The following TLN2 variants were observed in gnomAD, a reference collection of about 807,000 sequenced individuals.
TLN2 encodes the protein talin 2.
A neutral mutation model predicts 294.7 loss-of-function variants in TLN2; 118 were observed. That is an observed-to-expected ratio of 0.40 (90% CI 0.34 to 0.47). The LOEUF is 0.47. Ranked by LOEUF, TLN2 falls within the 20% of genes least tolerant of loss-of-function variation. The pLI is 0.84. For synonymous variants in TLN2, 1,431 were observed against 1,304.5 expected (o/e 1.10, Z -2.09); for missense variants, 3,083 against 3,282.2 (o/e 0.94, Z 1.48).
At chr15:62,715,996 C>T (rs1021282984) in intron 22 of TLN2, among the ~76,000 whole-genome samples, 1 of 152,138 alleles carries the variant, frequency 6.6e-6, no homozygotes, top group Non-Finnish European at 1.5e-5. Context: ...GAAGATTCTC[C>T]CTGGGAGAGA....
intron 54 of TLN2, among the ~76,000 whole-genome samples, chr15:62,825,880 A>ATG (rs1256556188): frequency 9.0e-6 from 1 of 111,338 alleles, no homozygotes; most frequent in Non-Finnish European, 1.7e-5. Flanking sequence ...ATATATATAT[A>ATG]TAATAAGTCA....
At chr15:62,419,023 G>A (rs1291960372) in intron 1 of TLN2, among the ~76,000 whole-genome samples, 2 of 152,166 alleles carry the variant, frequency 1.3e-5, no homozygotes, top group African/African-American at 2.4e-5. Context: ...ATGTGAATCA[G>A]CTTTTTCAGC....
At chr15:62,554,513 G>A (rs928246279) in intron 1 of TLN2, among the ~76,000 whole-genome samples, 2 of 151,776 alleles carry the variant, frequency 1.3e-5, no homozygotes, top group Non-Finnish European at 2.9e-5. Context: ...GAAAAACTCA[G>A]GAGAATTGTA....
chr15:62,396,095 A>T (rs968763530), intron 1 of TLN2, among the ~76,000 whole-genome samples: 1 of 152,162 alleles, frequency 6.6e-6, no homozygotes, highest in East Asian at 1.9e-4. Context: ...TGGCCTCCCA[A>T]AGTGCTATGA....
At chr15:62,799,859 T>C (rs905057195) in intron 48 of TLN2, among the ~76,000 whole-genome samples, 6 of 152,134 alleles carry the variant, frequency 3.9e-5, no homozygotes, top group Non-Finnish European at 7.3e-5. Flanking sequence ...GTTAGAACAA[T>C]GAGCAAAGGT....
At chr15:62,642,703 T>TG (rs2051279743) in intron 3 of TLN2, among the ~76,000 whole-genome samples, 1 of 141,820 alleles carries the variant, frequency 7.1e-6, no homozygotes, top group African/African-American at 2.9e-5. Context: ...TGTTTTCTGT[T>TG]TTTTTTTTTT....
rs189070613 is a variant in TLN2, at chr15:62,668,342, T to C, written c.789-5485T>C. On this transcript the variant is annotated intron_variant, in intron 9 of 58. Coordinates refer to ENST00000636159, the MANE Select transcript of TLN2 (RefSeq NM_015059.3). ...CATCACGTTGTATTCTTTGAATATA[T>C]ACAATAAAATAACAAAATTGCAACT... Among the ~76,000 whole-genome samples, 4 of 152,328 alleles carry C rather than the reference T, an allele frequency of 2.6e-5. No homozygotes were observed. In the East Asian group the frequency reaches 7.7e-4, roughly 29 times the overall value.
intron 1 of TLN2, among the ~76,000 whole-genome samples, chr15:62,458,699 G>A (rs1190637559): frequency 6.6e-6 from 1 of 151,816 alleles, no homozygotes; most frequent in African/African-American, 2.4e-5. Flanking sequence ...AGTCCAGGAG[G>A]TCAAGGCTAC....
chr15:62,754,033 C>A, intron 36 of TLN2, 117 bp downstream of exon 36: 1 of 1,311,354 alleles, frequency 7.6e-7, no homozygotes. Flanking sequence ...GCAAAGGTAG[C>A]TAAATGCCAG....
chr15:62,477,286 GC>G (rs962682078), intron 1 of TLN2, among the ~76,000 whole-genome samples: 3 of 152,224 alleles, frequency 2.0e-5, no homozygotes, highest in African/African-American at 7.2e-5. Flanking sequence ...TGATGCTGCT[GC>G]CTTCTAGACC....
In TLN2 at chr15:62,839,712, T is replaced by G. The variant is rs560069995; in HGVS notation, c.7500+731T>G. Among the ~76,000 whole-genome samples, 15 of 152,362 alleles carry G rather than the reference T, an allele frequency of 9.8e-5. No individual in the cohort carries two copies. In the South Asian group the frequency reaches 3.1e-3, roughly 32 times the overall value. On this transcript the variant is annotated intron_variant, in intron 58 of 58. Coordinates refer to ENST00000636159, the MANE Select transcript of TLN2 (RefSeq NM_015059.3). ...ATTCATTCCCCATGTCTGCCTTAGC[T>G]CTTCCTGAACCACGCCCTGTGTTTG...
chr15:62,749,418 C>T (rs763700550), intron 33 of TLN2, among the ~76,000 whole-genome samples: 14 of 152,194 alleles, frequency 9.2e-5, no homozygotes, highest in Non-Finnish European at 1.9e-4. Context: ...CTCTGTTGGC[C>T]TAGGTGCCAG....
In TLN2 at chr15:62,800,512, T is replaced by G. The variant is rs2065862122; in HGVS notation, c.6360+19T>G. 2.5e-6 allele frequency: 4 copies of G among 1,613,272 alleles called. No individual in the cohort carries two copies. The highest frequency in any genetic ancestry group is 3.3e-5 in the Admixed American group (2 of 59,876). Reference sequence around the variant, plus strand: ...TGCCAAGGTAGAGTGGGGCTCCGACTGGGGATGAGCACCTGAGTTCTCTTC... The same window carrying G: ...TGCCAAGGTAGAGTGGGGCTCCGACGGGGGATGAGCACCTGAGTTCTCTTC... On this transcript the variant is annotated intron_variant, in intron 49 of 58. Coordinates refer to ENST00000636159, the MANE Select transcript of TLN2 (RefSeq NM_015059.3).
chr15:62,474,617 G>A (rs541744521), intron 1 of TLN2, among the ~76,000 whole-genome samples: 1 of 152,316 alleles, frequency 6.6e-6, no homozygotes, highest in South Asian at 2.1e-4. Flanking sequence ...CTCCAGCCAG[G>A]ACGGGAGAGT....
At position 62,698,739 on chromosome 15, in the gene TLN2, C is replaced by G. The variant is rs768300772; in HGVS notation, c.1474-15C>G. The stretch of plus-strand genomic sequence containing the variant: ...GGCGTGTGGGATGACAGCTTTGTTT[C>G]ATTTGCCTTTGCAGACCTCAGCCCA... On this transcript the variant is annotated splice_polypyrimidine_tract_variant and intron_variant, in intron 15 of 58. Transcript: ENST00000636159. 4 of 1,604,304 alleles carry G rather than the reference C, an allele frequency of 2.5e-6. No individual in the cohort carries two copies. The highest frequency in any genetic ancestry group is 1.3e-5 in the African/African-American group (1 of 75,020).
chr15:62,616,524 C>T (rs919408430), intron 2 of TLN2, among the ~76,000 whole-genome samples: 10 of 152,196 alleles, frequency 6.6e-5, no homozygotes, highest in Non-Finnish European at 1.5e-4. Flanking sequence ...AACCTCCTCG[C>T]CTCAAGTGAT....
intron 27 of TLN2, among the ~76,000 whole-genome samples, chr15:62,726,157 A>G (rs1362955269): frequency 1.3e-5 from 2 of 152,150 alleles, no homozygotes; most frequent in Admixed American, 6.5e-5. Context: ...ATGTAATTCC[A>G]TCTTTACGTA....
At position 62,500,711 on chromosome 15, in the gene TLN2, C is replaced by T. The variant is rs547945458; in HGVS notation, c.-237-88976C>T. The stretch of plus-strand genomic sequence containing the variant: ...ATGGCAATCTCAAGTGACATCAATG[C>T]CCACTTGGAGTTGGGCACAATGTGA... On this transcript the variant is annotated intron_variant, in intron 1 of 58. Transcript: ENST00000636159. Among the ~76,000 whole-genome samples the T allele has an allele frequency of 4.1e-4, 62 of 152,334 alleles. 1 individual carries two copies. In the South Asian group the frequency reaches 5.2e-3, roughly 13 times the overall value.
At chr15:62,587,815 T>A (rs766757485) in intron 1 of TLN2, among the ~76,000 whole-genome samples, 1 of 152,222 alleles carries the variant, frequency 6.6e-6, no homozygotes, top group Non-Finnish European at 1.5e-5. Flanking sequence ...ATAACATTGG[T>A]TATTTATTGT....
Sources: gnomAD v4.1 joint callset for allele counts (sites outside exome capture counted in the v4.1 genomes callset) on GRCh38, gnomAD v4.1.1 for gene constraint, MANE v1.5 for transcripts, NCBI Gene and HGNC (gene_info 2026-07-23, HGNC 2026-07-21) for gene names.